KHDRBS3: variants seen among roughly 807,000 people sequenced by gnomAD.
KHDRBS3 encodes KH RNA binding domain containing, signal transduction associated 3, also known as KH domain-containing, RNA-binding, signal transduction-associated protein 3.
In KHDRBS3, 23 loss-of-function variants were observed where a neutral mutation model predicts 45.6. The observed-to-expected ratio is 0.50, with a 90% CI of 0.36 to 0.72. The LOEUF (loss-of-function observed/expected upper bound fraction) is 0.72. Among genes scored for constraint, KHDRBS3 ranks in the 30% least tolerant of loss-of-function variants. The probability of loss-of-function intolerance (pLI) is 0.00; values close to 1 mark genes in which losing one functional copy is unlikely to be tolerated. For synonymous variants in KHDRBS3, 162 were observed against 156.5 expected, an observed-to-expected ratio of 1.04 and a Z score of -0.26; for missense variants, 352 against 424.8, an observed-to-expected ratio of 0.83 and a Z score of 1.51.
intron 1 of KHDRBS3, among the ~76,000 whole-genome samples, chr8:135,473,884 G>C (rs1016839725): frequency 1.2e-4 from 19 of 152,178 alleles, no homozygotes; most frequent in African/African-American, 3.9e-4. Flanking sequence ...CACTGAGGCC[G>C]GGTCTGATCT....
intron 1 of KHDRBS3, among the ~76,000 whole-genome samples, chr8:135,501,708 T>G (rs558832293): frequency 9.2e-5 from 14 of 151,992 alleles, no homozygotes; most frequent in African/African-American, 3.4e-4. Flanking sequence ...AGTGTAGGGA[T>G]TTTTTGTTCT....
chr8:135,527,238 G>A (rs560129802), intron 2 of KHDRBS3, among the ~76,000 whole-genome samples: 1 of 152,234 alleles, frequency 6.6e-6, no homozygotes, highest in Admixed American at 6.5e-5. Context: ...TTTGGTGAAT[G>A]CAGATGAATA....
downstream of KHDRBS3, chr8:135,647,712 C>T (rs2131212983): frequency 6.6e-6 from 1 of 152,166 alleles, no homozygotes; most frequent in South Asian, 2.1e-4. Context: ...CAATGCTTGT[C>T]ATAAAAGGGT....
At chr8:135,492,722 C>A (rs1312496104) in intron 1 of KHDRBS3, among the ~76,000 whole-genome samples, 1 of 151,910 alleles carries the variant, frequency 6.6e-6, no homozygotes, top group South Asian at 2.1e-4. Context: ...TTCTTGAAAT[C>A]AAGTAGTGCA....
chr8:135,548,675 T>TTTTA (rs998248172), intron 3 of KHDRBS3, 79 bp from the exon 4 acceptor site: 168 of 1,169,688 alleles, frequency 1.4e-4, no homozygotes, highest in Middle Eastern at 1.2e-3. Context: ...GGGGGTTAGT[T>TTTTA]TTTATTTATT....
intron 1 of KHDRBS3, among the ~76,000 whole-genome samples, chr8:135,485,160 TCC>T (rs1357095738): frequency 7.9e-5 from 12 of 151,208 alleles, no homozygotes; most frequent in Non-Finnish European, 1.8e-4. Flanking sequence ...ATCATGTCTG[TCC>T]CCACTACAAT....
chr8:135,497,198 A>G (rs1823497656), intron 1 of KHDRBS3, among the ~76,000 whole-genome samples: 1 of 152,198 alleles, frequency 6.6e-6, no homozygotes, highest in South Asian at 2.1e-4. Flanking sequence ...CTTAGAGCCC[A>G]TTGGTATCGT....
chr8:135,494,829 G>T (rs1823352180), intron 1 of KHDRBS3, among the ~76,000 whole-genome samples: 1 of 152,220 alleles, frequency 6.6e-6, no homozygotes, highest in African/African-American at 2.4e-5. Context: ...TATGGCTTTG[G>T]TTCCAACCCT....
chr8:135,571,025 G>A (rs1424805551), intron 5 of KHDRBS3, among the ~76,000 whole-genome samples: 3 of 152,176 alleles, frequency 2.0e-5, no homozygotes, highest in Non-Finnish European at 4.4e-5. Flanking sequence ...TACAAATTGG[G>A]TAACTTCTGA....
At chr8:135,609,419 G>C (rs575916072) in intron 7 of KHDRBS3, among the ~76,000 whole-genome samples, 18 of 151,480 alleles carry the variant, frequency 1.2e-4, no homozygotes, top group Admixed American at 4.6e-4. Context: ...CTCAACCTCC[G>C]GAGTAGCTGA....
chr8:135,527,374 A>T (rs1236498104), intron 2 of KHDRBS3, among the ~76,000 whole-genome samples: 2 of 152,210 alleles, frequency 1.3e-5, no homozygotes, highest in Non-Finnish European at 2.9e-5. Flanking sequence ...CAGAAGTGAG[A>T]TAGTGAAATT....
intron 7 of KHDRBS3, among the ~76,000 whole-genome samples, chr8:135,609,976 C>G (rs10109747): frequency 6.6e-6 from 1 of 151,624 alleles, no homozygotes; most frequent in Admixed American, 6.6e-5. Context: ...GCATCAACCC[C>G]GTCCTATACA....
intron 7 of KHDRBS3, among the ~76,000 whole-genome samples, chr8:135,637,449 G>C (rs1192603460): frequency 6.6e-6 from 1 of 152,154 alleles, no homozygotes; most frequent in Non-Finnish European, 1.5e-5. Context: ...GCAGTTAGTA[G>C]GTGTTAGCTG....
intron 1 of KHDRBS3, among the ~76,000 whole-genome samples, chr8:135,474,424 A>G (rs894111974): frequency 6.6e-6 from 1 of 152,228 alleles, no homozygotes; most frequent in African/African-American, 2.4e-5. Flanking sequence ...TTTAGTTTCT[A>G]AGAATTCAGA....
intron 7 of KHDRBS3, among the ~76,000 whole-genome samples, chr8:135,622,897 T>A (rs1830206356): frequency 6.6e-6 from 1 of 152,218 alleles, no homozygotes; most frequent in African/African-American, 2.4e-5. Context: ...CTCAAAGTTG[T>A]ATATTTTTTG....
rs749353945 is a variant in KHDRBS3, at chr8:135,536,997, AG to A, written c.208-5655del. Among the ~76,000 whole-genome samples, 55 of 15,314 alleles carry A rather than the reference AG, an allele frequency of 3.6e-3. 3 individuals are homozygous for A. The highest frequency in any genetic ancestry group is 0.01 in the African/African-American group (45 of 4,498). The allele number at this position is 15,314 out of a possible 152,430, so 10.0% of individuals were successfully genotyped here. A position where few individuals can be genotyped will look rare whatever the true frequency, so the allele number is the denominator to read the frequency against. ...AAAAAAAAAAAAAAAAAAAAAAAAA[AG>A]GAGATGTTTAGGAGGTAAAATCATT... On this transcript the variant is annotated intron_variant, in intron 2 of 8. Coordinates refer to ENST00000355849, the MANE Select transcript of KHDRBS3 (RefSeq NM_006558.3).
intron 6 of KHDRBS3, among the ~76,000 whole-genome samples, chr8:135,601,643 T>C (rs757832449): frequency 2.0e-5 from 3 of 152,162 alleles, no homozygotes; most frequent in Non-Finnish European, 4.4e-5. Context: ...ATTTCAAATA[T>C]AAAGTAAACC....
Position 135,487,884 on chromosome 8 carries a change from G to A in KHDRBS3, c.88+29930G>A, listed in dbSNP as rs1479902076. Among the ~76,000 whole-genome samples the A allele has an allele frequency of 5.3e-5, 8 of 152,306 alleles. No homozygotes were observed. The East Asian group carries it at 1.5e-3, about 29-fold the overall frequency. On this transcript the variant is annotated intron_variant, in intron 1 of 8. Coordinates refer to ENST00000355849, the MANE Select transcript of KHDRBS3 (RefSeq NM_006558.3). ...TCTAAAAGCAAGCAGAGTAATCTTT[G>A]TAACTCTGTTGGATTTAAGGGATTG...
chr8:135,514,124 C>T (rs1026930339), intron 1 of KHDRBS3, among the ~76,000 whole-genome samples: 4 of 152,082 alleles, frequency 2.6e-5, no homozygotes, highest in East Asian at 1.9e-4. Context: ...CAGTGCTTCC[C>T]GCAGAATGAC....
Sources: gnomAD v4.1 joint callset for allele counts (sites outside exome capture counted in the v4.1 genomes callset) on GRCh38, gnomAD v4.1.1 for gene constraint, MANE v1.5 for transcripts, NCBI Gene and HGNC (gene_info 2026-07-23, HGNC 2026-07-21) for gene names.